KHDRBS2: variants seen among roughly 807,000 people sequenced by gnomAD.
KHDRBS2 encodes the protein KH RNA binding domain containing, signal transduction associated 2.
In KHDRBS2, 26 loss-of-function variants were observed where a neutral mutation model predicts 44.3. The ratio of observed to expected loss-of-function variants is 0.59; its 90% CI spans 0.43 to 0.81. KHDRBS2 has a LOEUF of 0.81. KHDRBS2 is among the 40% of genes least tolerant of loss of function. The probability of loss-of-function intolerance (pLI) is 0.00; values close to 1 mark genes in which losing one functional copy is unlikely to be tolerated. For missense variants in KHDRBS2, 476 were observed against 433.1 expected, an observed-to-expected ratio of 1.10 and a Z score of -0.88; for synonymous variants, 194 against 151.1, an observed-to-expected ratio of 1.28 and a Z score of -2.08.
At chr6:62,047,171 T>A (rs1787894261) in intron 3 of KHDRBS2, among the ~76,000 whole-genome samples, 1 of 151,860 alleles carries the variant, frequency 6.6e-6, no homozygotes, top group African/African-American at 2.4e-5. Context: ...ACGAAATACA[T>A]CCCGCCTTTC....
At chr6:61,648,219 G>T in the KHDRBS2 span, among the ~76,000 whole-genome samples, 1 of 151,966 alleles carries the variant, frequency 6.6e-6, no homozygotes. Context: ...ATGGAACTAG[G>T]TGCCTTGCTA....
intron 3 of KHDRBS2, among the ~76,000 whole-genome samples, chr6:62,001,572 T>C (rs1778247286): frequency 6.6e-6 from 1 of 152,112 alleles, no homozygotes; most frequent in South Asian, 2.1e-4. Context: ...AAGTGATACT[T>C]ACCATGTCCA....
intron 1 of KHDRBS2, among the ~76,000 whole-genome samples, chr6:62,282,784 C>T (rs986139466): frequency 1.3e-5 from 2 of 152,060 alleles, no homozygotes; most frequent in African/African-American, 4.8e-5. Context: ...TCCGAATATA[C>T]AAACATCACT....
At chr6:61,926,850 C>T (rs1226343140) in intron 4 of KHDRBS2, among the ~76,000 whole-genome samples, 1 of 151,436 alleles carries the variant, frequency 6.6e-6, no homozygotes, top group Non-Finnish European at 1.5e-5. Flanking sequence ...ACAGATGAGC[C>T]ACAGACTAAA....
chr6:62,049,232 C>G (rs1453453917), intron 2 of KHDRBS2, among the ~76,000 whole-genome samples: 2 of 151,364 alleles, frequency 1.3e-5, no homozygotes, highest in Non-Finnish European at 3.0e-5. Flanking sequence ...TCAAAGCAAC[C>G]AAATTTGAAA....
intron 1 of KHDRBS2, among the ~76,000 whole-genome samples, chr6:62,188,668 G>A (rs1823956872): frequency 6.6e-6 from 1 of 152,092 alleles, no homozygotes; most frequent in South Asian, 2.1e-4. Flanking sequence ...AGACATCTCA[G>A]GCTGGAAAGA....
In KHDRBS2 at chr6:62,042,690, A is replaced by G. The variant is rs1378548574; in HGVS notation, c.336+5188T>C. Among the ~76,000 whole-genome samples the G allele has an allele frequency of 2.0e-5, 3 of 152,148 alleles. No homozygotes were observed. In the South Asian group the frequency reaches 6.2e-4, roughly 32 times the overall value. ...CCCACTAGGCAGCCACATCTCTTTGAAGGTTTTTTGTTGATTTTACTGTTG... is the reference window on the plus strand; with the variant it reads ...CCCACTAGGCAGCCACATCTCTTTGGAGGTTTTTTGTTGATTTTACTGTTG... On this transcript the variant is annotated intron_variant, in intron 3 of 8. Coordinates refer to ENST00000281156, the MANE Select transcript of KHDRBS2 (RefSeq NM_152688.4).
chr6:61,855,084 AC>A (rs1795959698), intron 6 of KHDRBS2, among the ~76,000 whole-genome samples: 1 of 151,986 alleles, frequency 6.6e-6, no homozygotes, highest in African/African-American at 2.4e-5. Context: ...ATGAACTGAA[AC>A]CTCAATTTTT....
chr6:61,906,053 G>A (rs1261162692), intron 4 of KHDRBS2, among the ~76,000 whole-genome samples: 1 of 151,694 alleles, frequency 6.6e-6, no homozygotes, highest in Admixed American at 6.6e-5. Flanking sequence ...CCACCATCTT[G>A]GCCAGGCTGG....
At chr6:61,703,773 C>A (rs1427457886) in intron 7 of KHDRBS2, among the ~76,000 whole-genome samples, 1 of 151,872 alleles carries the variant, frequency 6.6e-6, no homozygotes. Context: ...CTCTTAATGT[C>A]ATTCATGGTA....
intron 2 of KHDRBS2, among the ~76,000 whole-genome samples, chr6:62,062,539 A>G (rs1363478931): frequency 6.6e-6 from 1 of 151,872 alleles, no homozygotes; most frequent in Non-Finnish European, 1.5e-5. Flanking sequence ...CTGGGTACAT[A>G]ACAAAATGAA....
the KHDRBS2 span, among the ~76,000 whole-genome samples, chr6:61,589,115 C>T: frequency 8.5e-5 from 13 of 152,162 alleles, no homozygotes; most frequent in South Asian, 2.5e-3. Flanking sequence ...AGAACAAATA[C>T]CTAATGCATG....
chr6:61,689,463 G>T (rs1767160204), intron 8 of KHDRBS2, among the ~76,000 whole-genome samples: 1 of 151,930 alleles, frequency 6.6e-6, no homozygotes, highest in African/African-American at 2.4e-5. Context: ...TGGAAATTTT[G>T]TGGAAAACTG....
chr6:61,621,717 C>T, the KHDRBS2 span, among the ~76,000 whole-genome samples: 30 of 152,296 alleles, frequency 2.0e-4, no homozygotes, highest in African/African-American at 6.5e-4. Flanking sequence ...TGGGTAGGAC[C>T]TCTGACTTGC....
At chr6:61,938,359 G>A (rs1811439721) in intron 4 of KHDRBS2, among the ~76,000 whole-genome samples, 1 of 152,116 alleles carries the variant, frequency 6.6e-6, no homozygotes, top group African/African-American at 2.4e-5. Flanking sequence ...GTTAGGAAGT[G>A]TTTCCAGTTA....
rs568691665 is a variant in KHDRBS2, at chr6:62,121,271, T to C, written c.219+55914A>G. Reference sequence around the variant, plus strand: ...TAGACCTACATCTACTTAGAAAAAATAGTAAATCAAAAACAACATTCCATC... The same window carrying C: ...TAGACCTACATCTACTTAGAAAAAACAGTAAATCAAAAACAACATTCCATC... On this transcript the variant is annotated intron_variant, in intron 2 of 8. Transcript: ENST00000281156. 1.2e-3 allele frequency among the ~76,000 whole-genome samples: 189 copies of C among 152,100 alleles called. 2 individuals are homozygous for C. The highest frequency in any genetic ancestry group is 3.4e-3 in the Middle Eastern group (1 of 294).
At chr6:62,158,645 T>C (rs1417365599) in intron 2 of KHDRBS2, among the ~76,000 whole-genome samples, 2 of 152,156 alleles carry the variant, frequency 1.3e-5, no homozygotes, top group Admixed American at 6.5e-5. Context: ...AAAATTACCA[T>C]GTTACAAAGA....
At chr6:61,773,191 T>G (rs1175531576) in intron 6 of KHDRBS2, among the ~76,000 whole-genome samples, 7 of 152,092 alleles carry the variant, frequency 4.6e-5, no homozygotes, top group Non-Finnish European at 8.8e-5. Context: ...GTATTTCTAG[T>G]TCTAGATCCC....
chr6:61,721,846 C>T lies in KHDRBS2; in HGVS notation c.893+10836G>A, dbSNP rs1246559776. Reference sequence around the variant, plus strand: ...ATAGGAGTGGTGAGAGAGGGCACCCCGTCTTGTGCCAGTTTTCAAAGGGAA... The same window carrying T: ...ATAGGAGTGGTGAGAGAGGGCACCCTGTCTTGTGCCAGTTTTCAAAGGGAA... On this transcript the variant is annotated intron_variant, in intron 7 of 8. Transcript: ENST00000281156. Among the ~76,000 whole-genome samples the T allele has an allele frequency of 9.3e-3, 1,225 of 131,820 alleles. 20 individuals are homozygous for T. The highest frequency in any genetic ancestry group is 0.036 in the African/African-American group (1,174 of 32,244). 86.5% of individuals were successfully genotyped at this position (131,820 alleles called of 152,430 possible). A position where few individuals can be genotyped will look rare whatever the true frequency, so the allele number is the denominator to read the frequency against.
Sources: gnomAD v4.1 joint callset for allele counts (sites outside exome capture counted in the v4.1 genomes callset) on GRCh38, gnomAD v4.1.1 for gene constraint, MANE v1.5 for transcripts, NCBI Gene and HGNC (gene_info 2026-07-23, HGNC 2026-07-21) for gene names.